Variants in SNTB2 observed in about 807,000 individuals in gnomAD.
SNTB2 encodes the protein beta-2-syntrophin.
In SNTB2, 34 loss-of-function variants were observed where a neutral mutation model predicts 46.2. The observed-to-expected ratio is 0.74, with a 90% CI of 0.56 to 0.98. The LOEUF (loss-of-function observed/expected upper bound fraction) is 0.98, where lower values mean the gene tolerates loss of function less well. SNTB2 is among the 50% of genes least tolerant of loss of function. The pLI, the probability that SNTB2 is intolerant of heterozygous loss-of-function variation, is 0.00. For synonymous variants in SNTB2, 290 were observed against 312.6 expected, an observed-to-expected ratio of 0.93 and a Z score of 0.76; for missense variants, 603 against 731.4, an observed-to-expected ratio of 0.82 and a Z score of 2.02.
At position 69,306,464 on chromosome 16, in the gene SNTB2, A is replaced by G. The variant is rs1300101583; in HGVS notation, c.*5540A>G. The G allele has an allele frequency of 1.3e-5, 2 of 152,256 alleles. No homozygotes were observed. The highest frequency in any genetic ancestry group is 4.8e-5 in the African/African-American group (2 of 41,474). 9.4% of individuals were successfully genotyped at this position (152,256 alleles called of 1,614,324 possible). A position where few individuals can be genotyped will look rare whatever the true frequency, so the allele number is the denominator to read the frequency against. On this transcript the variant is annotated 3_prime_UTR_variant, in exon 7 of 7. Coordinates refer to ENST00000336278, the MANE Select transcript of SNTB2 (RefSeq NM_006750.4). ...TCCACATTTAATGTAAGGCATAAATATGCCTTTTGCAAATTATTGCTTGTT... is the reference window on the plus strand; with the variant it reads ...TCCACATTTAATGTAAGGCATAAATGTGCCTTTTGCAAATTATTGCTTGTT...
At chr16:69,249,699 A>G (rs547484844) in intron 2 of SNTB2, among the ~76,000 whole-genome samples, 1 of 152,222 alleles carries the variant, frequency 6.6e-6, no homozygotes, top group South Asian at 2.1e-4. Context: ...TGATCAGTCT[A>G]CTCGACCATG....
intron 1 of SNTB2, among the ~76,000 whole-genome samples, chr16:69,225,635 C>T (rs1964451195): frequency 6.6e-6 from 1 of 152,078 alleles, no homozygotes; most frequent in Non-Finnish European, 1.5e-5. Flanking sequence ...ATTAGTTGGC[C>T]TATTTTAGGG....
chr16:69,237,603 CT>C (rs397706857), intron 1 of SNTB2, among the ~76,000 whole-genome samples: 125 of 118,724 alleles, frequency 1.1e-3, no homozygotes, highest in Non-Finnish European at 1.5e-3. Context: ...TTCTTTCTTT[CT>C]TTTTTTTTTT....
intron 1 of SNTB2, among the ~76,000 whole-genome samples, chr16:69,197,465 A>C (rs1162442825): frequency 1.3e-5 from 2 of 152,192 alleles, no homozygotes; most frequent in Non-Finnish European, 2.9e-5. Context: ...AATAGTTTAA[A>C]TATTTTATTA....
At chr16:69,283,978 A>G in intron 4 of SNTB2, 70 bp from the exon 5 acceptor site, 1 of 1,397,508 alleles carries the variant, frequency 7.2e-7, no homozygotes, top group Non-Finnish European at 9.7e-7. Context: ...CTTATCAATG[A>G]GCACAAATTC....
chr16:69,263,786 GT>G (rs1427609172), intron 3 of SNTB2, among the ~76,000 whole-genome samples: 3 of 151,744 alleles, frequency 2.0e-5, no homozygotes, highest in Non-Finnish European at 4.4e-5. Context: ...TATTAAATGA[GT>G]TTTTTTAAGC....
intron 1 of SNTB2, among the ~76,000 whole-genome samples, chr16:69,194,255 T>A (rs1427171149): frequency 6.6e-6 from 1 of 152,234 alleles, no homozygotes; most frequent in Non-Finnish European, 1.5e-5. Context: ...CCTCTTGGGA[T>A]GAGATGACCT....
chr16:69,302,055 C>G lies in SNTB2; in HGVS notation c.*1131C>G, dbSNP rs1274671213. On this transcript the variant is annotated 3_prime_UTR_variant, in exon 7 of 7. Transcript: ENST00000336278. Reference sequence around the variant, plus strand: ...GCCCAAAAACAACAGGATGCAGCATCCTGGCTGTGGCCTGGCCCTTTGTGG... The same window carrying G: ...GCCCAAAAACAACAGGATGCAGCATGCTGGCTGTGGCCTGGCCCTTTGTGG... The G allele has an allele frequency of 6.6e-6, 1 of 152,144 alleles. No homozygotes were observed. The highest frequency in any genetic ancestry group is 1.9e-4 in the East Asian group (1 of 5,178). The allele number at this position is 152,144 out of a possible 1,614,324, so 9.4% of individuals were successfully genotyped here. A position where few individuals can be genotyped will look rare whatever the true frequency, so the allele number is the denominator to read the frequency against.
At chr16:69,250,320 A>T (rs577910718) in intron 2 of SNTB2, among the ~76,000 whole-genome samples, 130 of 152,194 alleles carry the variant, frequency 8.5e-4, no homozygotes, top group Non-Finnish European at 1.6e-3. Context: ...AGAACCATTA[A>T]CTAATTAGAC....
chr16:69,283,562 T>C (rs975701097), intron 4 of SNTB2, among the ~76,000 whole-genome samples: 4 of 152,226 alleles, frequency 2.6e-5, no homozygotes, highest in South Asian at 4.1e-4. Flanking sequence ...TTTTAAGCTC[T>C]TTGGCTGAAA....
In SNTB2 at chr16:69,187,738, T is replaced by TGCTGGAGGGTGAGCGGGGCCGG. The variant is rs1424393605; in HGVS notation, c.575_580+16dup. 12 of 844,910 alleles carry TGCTGGAGGGTGAGCGGGGCCGG rather than the reference T, an allele frequency of 1.4e-5. No individual in the cohort carries two copies. The highest frequency in any genetic ancestry group is 2.8e-5 in the Admixed American group (1 of 35,438). The allele number at this position is 844,910 out of a possible 1,614,324, so 52.3% of individuals were successfully genotyped here. A position where few individuals can be genotyped will look rare whatever the true frequency, so the allele number is the denominator to read the frequency against. Reference sequence around the variant, plus strand: ...CTGAAGCGCGCGGGCAAGGAGGTGCTGCTGGAGGGTGAGCGGGGCCGGGCG... The same window carrying TGCTGGAGGGTGAGCGGGGCCGG: ...CTGAAGCGCGCGGGCAAGGAGGTGCTGCTGGAGGGTGAGCGGGGCCGGGCTGGAGGGTGAGCGGGGCCGGGCG... On this transcript the variant is annotated frameshift_variant, in exon 1 of 7. Transcript: ENST00000336278. LOFTEE classifies it high-confidence loss of function.
At chr16:69,254,200 G>A (rs1597188238) in intron 2 of SNTB2, among the ~76,000 whole-genome samples, 1 of 152,136 alleles carries the variant, frequency 6.6e-6, no homozygotes, top group South Asian at 2.1e-4. Context: ...CTGCTAGAAT[G>A]AGGGTGGGGC....
chr16:69,283,673 C>G (rs1965072060), intron 4 of SNTB2, among the ~76,000 whole-genome samples: 1 of 152,120 alleles, frequency 6.6e-6, no homozygotes, highest in Non-Finnish European at 1.5e-5. Context: ...AAAATCATAT[C>G]TTTTTGATAC....
intron 5 of SNTB2, among the ~76,000 whole-genome samples, chr16:69,289,752 T>G (rs1965142188): frequency 6.6e-6 from 1 of 151,940 alleles, no homozygotes. Context: ...CGAAACCCCG[T>G]CTCTACAAAA....
chr16:69,237,584 T>A (rs1402743270), intron 1 of SNTB2, among the ~76,000 whole-genome samples: 2 of 132,384 alleles, frequency 1.5e-5, no homozygotes, highest in Non-Finnish European at 3.2e-5. Context: ...TTTCTTTTTT[T>A]TTCTTTCTTT....
At chr16:69,266,522 CTT>C (rs1329421916) in intron 3 of SNTB2, among the ~76,000 whole-genome samples, 4 of 152,158 alleles carry the variant, frequency 2.6e-5, no homozygotes, top group Non-Finnish European at 4.4e-5. Flanking sequence ...AGAGTAAACA[CTT>C]TGAGAAACGT....
intron 1 of SNTB2, among the ~76,000 whole-genome samples, chr16:69,236,345 G>A (rs1340068655): frequency 6.6e-6 from 1 of 152,058 alleles, no homozygotes; most frequent in Non-Finnish European, 1.5e-5. Flanking sequence ...GTAAAGGCAT[G>A]AGAGAAGGGA....
chr16:69,263,412 G>C lies in SNTB2; in HGVS notation c.1005+3152G>C, dbSNP rs1964855116. On this transcript the variant is annotated intron_variant, in intron 3 of 6. Coordinates refer to ENST00000336278, the MANE Select transcript of SNTB2 (RefSeq NM_006750.4). Reference sequence around the variant, plus strand: ...GGCATGAGCCACTGTGCCCAGCCTGGGTATGTTCTTTTTTTTTTTTTTTGA... The same window carrying C: ...GGCATGAGCCACTGTGCCCAGCCTGCGTATGTTCTTTTTTTTTTTTTTTGA... Among the ~76,000 whole-genome samples, 4 of 148,768 alleles carry C rather than the reference G, an allele frequency of 2.7e-5. No homozygotes were observed. The South Asian group carries it at 8.6e-4, about 32-fold the overall frequency.
chr16:69,211,037 CA>C (rs1964279883), intron 1 of SNTB2, among the ~76,000 whole-genome samples: 1 of 151,964 alleles, frequency 6.6e-6, no homozygotes, highest in African/African-American at 2.4e-5. Flanking sequence ...CTGTGTTGCC[CA>C]GGGTGGTTTT....
Sources: allele counts gnomAD v4.1 joint callset (sites outside exome capture counted in the v4.1 genomes callset), GRCh38; gene constraint gnomAD v4.1.1; transcripts MANE v1.5; gene names NCBI Gene and HGNC (gene_info 2026-07-23, HGNC 2026-07-21).